The following SFMBT1 variants were observed in gnomAD, a reference collection of about 807,000 sequenced individuals.
SFMBT1 encodes the protein Scm like with four mbt domains 1, also known as scm-like with four MBT domains protein 1.
Under a neutral mutation model 108.7 loss-of-function variants are expected in SFMBT1, and 32 were observed. The ratio of observed to expected loss-of-function variants is 0.29; its 90% CI spans 0.22 to 0.40. SFMBT1 has a LOEUF of 0.40. Among genes scored for constraint, SFMBT1 ranks in the 10% least tolerant of loss-of-function variants. The probability of loss-of-function intolerance (pLI) is 1.00; values close to 1 mark genes in which losing one functional copy is unlikely to be tolerated. For synonymous variants in SFMBT1, 348 were observed against 369.5 expected (o/e 0.94, Z 0.67); for missense variants, 816 against 1,059.6 (o/e 0.77, Z 3.19).
chr3:52,981,607 G>C (rs1363261275), intron 1 of SFMBT1, among the ~76,000 whole-genome samples: 1 of 149,596 alleles, frequency 6.7e-6, no homozygotes, highest in African/African-American at 2.5e-5. Context: ...TGAAACTCCT[G>C]GGCTCAAGCA....
chr3:52,979,199 AAAG>A (rs1704623070), intron 1 of SFMBT1, among the ~76,000 whole-genome samples: 1 of 152,234 alleles, frequency 6.6e-6, no homozygotes, highest in Admixed American at 6.5e-5. Flanking sequence ...GACAAAAAAA[AAAG>A]AGACAAGATA....
intron 1 of SFMBT1, among the ~76,000 whole-genome samples, chr3:53,040,976 T>TTTTTTTTTTTTTTTTTTC (rs1700029217): frequency 1.6e-5 from 1 of 63,714 alleles, no homozygotes; most frequent in African/African-American, 7.4e-5. Flanking sequence ...GAATTTTTTT[T>TTTTTTTTTTTTTTTTTTC]TTTTTTTTTT....
At chr3:52,916,309 G>T in intron 13 of SFMBT1, 95 bp from the exon 14 acceptor site, 2 of 1,111,672 alleles carry the variant, frequency 1.8e-6, no homozygotes, top group South Asian at 1.4e-5. Flanking sequence ...GAAAGCAAAT[G>T]TGGCATGTTC....
intron 1 of SFMBT1, among the ~76,000 whole-genome samples, chr3:53,044,525 C>T (rs760509317): frequency 5.9e-5 from 9 of 152,218 alleles, no homozygotes; most frequent in Non-Finnish European, 8.8e-5. Context: ...AAACGCTAGT[C>T]AACAGGCCTC....
At chr3:52,978,624 G>C (rs539349834) in intron 1 of SFMBT1, among the ~76,000 whole-genome samples, 1 of 152,182 alleles carries the variant, frequency 6.6e-6, no homozygotes, top group African/African-American at 2.4e-5. Flanking sequence ...ATATACCCAA[G>C]ACATTTGAAA....
At chr3:53,008,632 C>CTTT (rs547883626) in intron 1 of SFMBT1, among the ~76,000 whole-genome samples, 1 of 139,272 alleles carries the variant, frequency 7.2e-6, no homozygotes, top group African/African-American at 2.6e-5. Flanking sequence ...CCTAGGTAGA[C>CTTT]TTTTTTTTTT....
chr3:52,939,875 T>G (rs1703128702), intron 4 of SFMBT1, among the ~76,000 whole-genome samples: 1 of 152,096 alleles, frequency 6.6e-6, no homozygotes, highest in African/African-American at 2.4e-5. Flanking sequence ...TGCCTAAGTT[T>G]TACTTTTTCT....
At chr3:53,017,256 A>T (rs1423821253) in intron 1 of SFMBT1, among the ~76,000 whole-genome samples, 1 of 152,124 alleles carries the variant, frequency 6.6e-6, no homozygotes, top group Non-Finnish European at 1.5e-5. Context: ...ACACCATACT[A>T]CTTTAGGTAA....
At chr3:52,984,002 G>A (rs1269999546) in intron 1 of SFMBT1, among the ~76,000 whole-genome samples, 9 of 152,238 alleles carry the variant, frequency 5.9e-5, no homozygotes, top group Admixed American at 5.9e-4. Flanking sequence ...AGTGAAAGGT[G>A]TTGGTGGCTA....
chr3:53,009,377 G>A (rs1698866233), intron 1 of SFMBT1, among the ~76,000 whole-genome samples: 1 of 152,074 alleles, frequency 6.6e-6, no homozygotes, highest in African/African-American at 2.4e-5. Flanking sequence ...GAACCCGGGA[G>A]GCAGAGATTG....
At chr3:52,926,772 A>C (rs1391289243) in intron 9 of SFMBT1, among the ~76,000 whole-genome samples, 1 of 152,120 alleles carries the variant, frequency 6.6e-6, no homozygotes, top group Non-Finnish European at 1.5e-5. Flanking sequence ...TCTACATGCA[A>C]AGAGCTGAGC....
intron 6 of SFMBT1, 119 bp from the exon 7 acceptor site, chr3:52,931,154 A>C: frequency 1.2e-6 from 1 of 831,008 alleles, no homozygotes; most frequent in Non-Finnish European, 1.9e-6. Context: ...AAAAGGGTTC[A>C]AGCCCACTTA....
intron 18 of SFMBT1, 27 bp downstream of exon 18, chr3:52,907,528 A>G (rs1335651148): frequency 6.2e-7 from 1 of 1,601,696 alleles, no homozygotes. Flanking sequence ...GCTTCAAGAC[A>G]TTACAGGCAC....
Position 52,930,936 on chromosome 3 carries a change from T to C in SFMBT1, c.795+5A>G, listed in dbSNP as rs995873722. On this transcript the variant is annotated splice_donor_5th_base_variant and intron_variant, in intron 7 of 20. Transcript: ENST00000394752. ...ATACCGGTCTATCACATGTTTTGTT[T>C]TTACCTTAAATAAGTAAGATGGTAA... 1 of 1,613,528 alleles carries C rather than the reference T, an allele frequency of 6.2e-7. No homozygotes were observed. Among genetic ancestry groups the C allele is most frequent in the Non-Finnish European group, 8.5e-7 (1 of 1,179,518 alleles).
intron 1 of SFMBT1, among the ~76,000 whole-genome samples, chr3:53,008,837 G>A (rs1031648159): frequency 3.9e-5 from 6 of 151,972 alleles, no homozygotes; most frequent in South Asian, 2.1e-4. Context: ...GGGTTTCACC[G>A]TGTTAGCCAG....
At chr3:53,016,757 G>A (rs764473292) in intron 1 of SFMBT1, among the ~76,000 whole-genome samples, 8 of 151,862 alleles carry the variant, frequency 5.3e-5, no homozygotes, top group Non-Finnish European at 7.4e-5. Context: ...TCTTTATGTC[G>A]TCTGTTGATA....
Position 52,911,266 on chromosome 3 carries a change from T to C in SFMBT1, c.1731-88A>G, listed in dbSNP as rs563602022. 3 of 1,367,556 alleles carry C rather than the reference T, an allele frequency of 2.2e-6. No individual in the cohort carries two copies. In the African/African-American group the frequency reaches 4.4e-5, roughly 20 times the overall value. 84.7% of individuals were successfully genotyped at this position (1,367,556 alleles called of 1,614,324 possible). A position where few individuals can be genotyped will look rare whatever the true frequency, so the allele number is the denominator to read the frequency against. On this transcript the variant is annotated intron_variant, in intron 16 of 20. Transcript: ENST00000394752. ...AACATATTAATACACCTAAAAAATA[T>C]TTTTGCTTCTTGGAATATTCTATGT...
At position 53,009,327 on chromosome 3, in the gene SFMBT1, A is replaced by C. The variant is rs571132770; in HGVS notation, c.-131+36489T>G. ...CCAGTGCATGGTGACATATGCCTGT[A>C]ATCTCAGCTACTCGGGAGGCTGAGG... On this transcript the variant is annotated intron_variant, in intron 1 of 20. Coordinates refer to ENST00000394752, the MANE Select transcript of SFMBT1 (RefSeq NM_016329.4). Among the ~76,000 whole-genome samples, 77 of 152,180 alleles carry C rather than the reference A, an allele frequency of 5.1e-4. 2 individuals are homozygous for C. The South Asian group carries it at 0.016, about 31-fold the overall frequency.
chr3:53,030,569 T>A (rs1699647769), intron 1 of SFMBT1, among the ~76,000 whole-genome samples: 1 of 151,850 alleles, frequency 6.6e-6, no homozygotes, highest in Admixed American at 6.6e-5. Context: ...CTAAAGTCTT[T>A]GTGGCACAAT....
Sources: gnomAD v4.1 joint callset for allele counts (sites outside exome capture counted in the v4.1 genomes callset) on GRCh38, gnomAD v4.1.1 for gene constraint, MANE v1.5 for transcripts, NCBI Gene and HGNC (gene_info 2026-07-23, HGNC 2026-07-21) for gene names.